DCAF8L2: variants seen among roughly 807,000 people sequenced by gnomAD.
DCAF8L2 encodes the protein DDB1 and CUL4 associated factor 8 like 2, also known as DDB1- and CUL4-associated factor 8-like protein 2.
For synonymous variants in DCAF8L2, 200 were observed against 190.9 expected (o/e 1.05, Z -0.39); for missense variants, 430 against 490.7 (o/e 0.88, Z 1.17).
chrX:27,566,126 C>G, the DCAF8L2 span, among the ~76,000 whole-genome samples: 26 of 109,713 alleles, frequency 2.4e-4, no homozygotes, highest in East Asian at 6.9e-3. Flanking sequence ...TCCCGCCCCC[C>G]CGACCCTGTG....
At chrX:27,743,391 C>G (rs1025045493) in intron 4 of DCAF8L2, among the ~76,000 whole-genome samples, 1 of 110,513 alleles carries the variant, frequency 9.0e-6, no homozygotes, top group Non-Finnish European at 1.9e-5. Flanking sequence ...GTGCTGTTTA[C>G]AAATATTTTA....
chrX:27,472,413 A>T, the DCAF8L2 span, among the ~76,000 whole-genome samples: 1 of 111,659 alleles, frequency 9.0e-6, no homozygotes. Flanking sequence ...AAGTTCTGGG[A>T]TACATGTGCA....
intron 2 of DCAF8L2, among the ~76,000 whole-genome samples, chrX:27,650,952 A>G: frequency 9.0e-6 from 1 of 111,069 alleles, no homozygotes; most frequent in Non-Finnish European, 1.9e-5. Context: ...GACTCATATT[A>G]TTTTGAGGTA....
At chrX:27,500,015 G>A in the DCAF8L2 span, among the ~76,000 whole-genome samples, 1 of 111,685 alleles carries the variant, frequency 9.0e-6, no homozygotes, top group Non-Finnish European at 1.9e-5. Flanking sequence ...CTGTGCTTTT[G>A]ATACCATATG....
intron 3 of DCAF8L2, among the ~76,000 whole-genome samples, chrX:27,689,601 A>T (rs72623779): frequency 8.9e-6 from 1 of 112,779 alleles, no homozygotes; most frequent in Admixed American, 9.4e-5. Context: ...TATAACTAGC[A>T]ATTGAAAGAT....
In DCAF8L2 at chrX:27,716,727, T is replaced by A. The variant is rs375526966; in HGVS notation, c.-59+556T>A. ...TTTTATTTTGCTTTAGGATTACAGT[T>A]ATTCTTTTTTTATTTTTAGTTCTGG... On this transcript the variant is annotated intron_variant, in intron 4 of 4. Coordinates refer to ENST00000451261, the MANE Select transcript of DCAF8L2 (RefSeq NM_001353450.2). 1.7e-4 allele frequency among the ~76,000 whole-genome samples: 19 copies of A among 112,298 alleles called. No individual in the cohort carries two copies. In the East Asian group the frequency reaches 2.2e-3, roughly 13 times the overall value.
chrX:27,593,843 C>T (rs1032080180), intron 1 of DCAF8L2, among the ~76,000 whole-genome samples: 3 of 111,577 alleles, frequency 2.7e-5, no homozygotes, highest in African/African-American at 9.8e-5. Context: ...ACCCTGGGCT[C>T]CATCACTCAT....
intron 1 of DCAF8L2, among the ~76,000 whole-genome samples, chrX:27,612,433 G>T (rs1927233555): frequency 8.9e-6 from 1 of 112,108 alleles, no homozygotes; most frequent in South Asian, 3.7e-4. Context: ...TTGCTGTGCA[G>T]AAGCTCTTTA....
At chrX:27,706,010 G>A (rs1602756532) in intron 3 of DCAF8L2, among the ~76,000 whole-genome samples, 2 of 111,102 alleles carry the variant, frequency 1.8e-5, no homozygotes, top group Admixed American at 1.9e-4. Context: ...TCTGTATATG[G>A]CTAGCCAGCT....
intron 4 of DCAF8L2, among the ~76,000 whole-genome samples, chrX:27,720,655 G>T (rs1329258225): frequency 9.0e-6 from 1 of 111,587 alleles, no homozygotes; most frequent in East Asian, 2.8e-4. Flanking sequence ...TTTCAGGCGT[G>T]AGCCACCGCG....
chrX:27,476,200 A>G, the DCAF8L2 span, among the ~76,000 whole-genome samples: 1 of 110,486 alleles, frequency 9.1e-6, no homozygotes, highest in Non-Finnish European at 1.9e-5. Flanking sequence ...GACTACTTGA[A>G]AAAATGAGTA....
chrX:27,498,955 C>A, the DCAF8L2 span, among the ~76,000 whole-genome samples: 35 of 111,912 alleles, frequency 3.1e-4, 1 homozygote, highest in South Asian at 0.012. Context: ...TATATCTTTT[C>A]TTTATCCATT....
intron 2 of DCAF8L2, among the ~76,000 whole-genome samples, chrX:27,634,995 G>T (rs1314086925): frequency 9.7e-6 from 1 of 103,165 alleles, no homozygotes; most frequent in African/African-American, 3.7e-5. Context: ...TATATAGAGA[G>T]AGAGAGAGAA....
chrX:27,563,244 C>T, the DCAF8L2 span, among the ~76,000 whole-genome samples: 1 of 111,515 alleles, frequency 9.0e-6, no homozygotes, highest in Admixed American at 9.5e-5. Flanking sequence ...ATTTATCCAT[C>T]CATCCACCTA....
chrX:27,502,345 T>A, the DCAF8L2 span, among the ~76,000 whole-genome samples: 510 of 40,161 alleles, frequency 0.013, 9 homozygotes, highest in African/African-American at 0.019. Context: ...AATATATATA[T>A]ATATATATAT....
the DCAF8L2 span, among the ~76,000 whole-genome samples, chrX:27,585,228 A>T: frequency 9.0e-6 from 1 of 110,808 alleles, no homozygotes; most frequent in Non-Finnish European, 1.9e-5. Flanking sequence ...TCTTAATTTC[A>T]TGGAGTTTTA....
chrX:27,568,501 A>AT, the DCAF8L2 span, among the ~76,000 whole-genome samples: 1 of 111,375 alleles, frequency 9.0e-6, no homozygotes, highest in Non-Finnish European at 1.9e-5. Context: ...CTACAAATCT[A>AT]TTTTTTTCTC....
At chrX:27,505,910 C>T in the DCAF8L2 span, among the ~76,000 whole-genome samples, 1 of 111,968 alleles carries the variant, frequency 8.9e-6, no homozygotes, top group Middle Eastern at 4.6e-3. Context: ...TAATTTGTCA[C>T]ACAGCAATAA....
chrX:27,618,332 C>G (rs1047776886), intron 1 of DCAF8L2, among the ~76,000 whole-genome samples: 1 of 110,749 alleles, frequency 9.0e-6, no homozygotes, highest in African/African-American at 3.3e-5. Context: ...GGGTAACACA[C>G]GGGTAAAAAG....
Sources: allele counts gnomAD v4.1 joint callset (sites outside exome capture counted in the v4.1 genomes callset), GRCh38; gene constraint gnomAD v4.1.1; transcripts MANE v1.5; gene names NCBI Gene and HGNC (gene_info 2026-07-23, HGNC 2026-07-21).